TSC22D1: variants seen among roughly 807,000 people sequenced by gnomAD.
The protein encoded by TSC22D1 is TSC22 domain family protein 1.
In TSC22D1, 9 loss-of-function variants were observed where a neutral mutation model predicts 74.2. The ratio of observed to expected loss-of-function variants is 0.12; its 90% CI spans 0.07 to 0.21. TSC22D1 has a LOEUF of 0.21. Among genes scored for constraint, TSC22D1 ranks in the 10% least tolerant of loss-of-function variants. The pLI is 1.00. For missense variants in TSC22D1, 1,427 were observed against 1,304.7 expected (o/e 1.09, Z -1.44); for synonymous variants, 586 against 492.5 (o/e 1.19, Z -2.51).
At chr13:44,571,014 C>A (rs1286870300) in intron 1 of TSC22D1, among the ~76,000 whole-genome samples, 1 of 152,084 alleles carries the variant, frequency 6.6e-6, no homozygotes, top group Non-Finnish European at 1.5e-5. Flanking sequence ...GGGCTACATT[C>A]CGATTTCACA....
intron 1 of TSC22D1, among the ~76,000 whole-genome samples, chr13:44,494,154 TC>T (rs1878850247): frequency 6.6e-6 from 1 of 151,796 alleles, no homozygotes; most frequent in South Asian, 2.1e-4. Context: ...GGCAGGCGGA[TC>T]ACTTGAGGTC....
At chr13:44,545,473 A>G (rs1595152821) in intron 1 of TSC22D1, among the ~76,000 whole-genome samples, 1 of 151,828 alleles carries the variant, frequency 6.6e-6, no homozygotes, top group Admixed American at 6.6e-5. Flanking sequence ...TTCATAATTA[A>G]CCTATCCATT....
chr13:44,479,739 A>T (rs1001830214), intron 1 of TSC22D1, among the ~76,000 whole-genome samples: 1 of 152,218 alleles, frequency 6.6e-6, no homozygotes, highest in African/African-American at 2.4e-5. Flanking sequence ...GTCACTAAGG[A>T]CACACAGTCT....
chr13:44,538,532 T>C (rs1260189908), intron 1 of TSC22D1: 10 of 985,388 alleles, frequency 1.0e-5, no homozygotes, highest in Non-Finnish European at 1.1e-5. Context: ...ATGAAACAGA[T>C]ACAGAGAGCC....
intron 1 of TSC22D1, among the ~76,000 whole-genome samples, chr13:44,469,353 G>A (rs1481422022): frequency 1.3e-5 from 2 of 152,128 alleles, no homozygotes; most frequent in African/African-American, 4.8e-5. Context: ...TTTAAATTGT[G>A]GGCTAATTCT....
In TSC22D1 at chr13:44,574,217, C is replaced by T. The variant is rs1207413140; in HGVS notation, c.1858G>A (p.Gly620Arg). 3 of 1,614,212 alleles carry T rather than the reference C, an allele frequency of 1.9e-6. No individual in the cohort carries two copies. The highest frequency in any genetic ancestry group is 2.5e-6 in the Non-Finnish European group (3 of 1,180,030). Residue 620 changes from glycine to arginine, a missense_variant, in exon 1 of 3, where the codon GGG (glycine) becomes AGG (arginine). By Grantham distance (125) the Gly-to-Arg change is moderately radical. Transcript: ENST00000458659. The stretch of plus-strand genomic sequence containing the variant: ...TGTAACTGTTGGGGTGGTGGTGCCC[C>T]TGGAAGGGGAGTTTGCACTGGAGGA... Reference protein sequence around the residue: ...AAPPVQTPLPGAPPPQQLQYG... With the variant: ...AAPPVQTPLPRAPPPQQLQYG...
At chr13:44,546,373 T>A (rs544986186) in intron 1 of TSC22D1, among the ~76,000 whole-genome samples, 2 of 152,322 alleles carry the variant, frequency 1.3e-5, no homozygotes, top group African/African-American at 4.8e-5. Flanking sequence ...AATAATGGGA[T>A]GGATCACAAT....
chr13:44,521,331 A>G (rs1162128155), intron 1 of TSC22D1, among the ~76,000 whole-genome samples: 2 of 152,102 alleles, frequency 1.3e-5, no homozygotes, highest in Non-Finnish European at 2.9e-5. Flanking sequence ...ATGGGATTTA[A>G]TTGTGTATCC....
At chr13:44,439,138 C>T (rs933462128) in intron 1 of TSC22D1, among the ~76,000 whole-genome samples, 2 of 152,146 alleles carry the variant, frequency 1.3e-5, no homozygotes, top group African/African-American at 4.8e-5. Context: ...ATATAAGCAA[C>T]CATAGTCTAT....
intron 1 of TSC22D1, chr13:44,539,712 T>G: frequency 8.3e-7 from 1 of 1,204,582 alleles, no homozygotes; most frequent in Non-Finnish European, 1.1e-6. Context: ...AAATGGGCAA[T>G]GGAAGGACAC....
intron 1 of TSC22D1, among the ~76,000 whole-genome samples, chr13:44,542,642 C>T (rs1227428256): frequency 6.6e-6 from 1 of 152,030 alleles, no homozygotes; most frequent in Non-Finnish European, 1.5e-5. Context: ...AACACTCATA[C>T]TCAGAAATGA....
chr13:44,444,688 T>C (rs936112126), intron 1 of TSC22D1, among the ~76,000 whole-genome samples: 1 of 151,944 alleles, frequency 6.6e-6, no homozygotes, highest in African/African-American at 2.4e-5. Context: ...GGGGAAAAAA[T>C]ACACACGTCT....
intron 1 of TSC22D1, among the ~76,000 whole-genome samples, chr13:44,470,657 C>T (rs892871119): frequency 1.3e-5 from 2 of 152,088 alleles, no homozygotes; most frequent in Non-Finnish European, 1.5e-5. Flanking sequence ...TTTCCTTCCC[C>T]CAAATACCCT....
At chr13:44,518,412 T>G (rs1308473120) in intron 1 of TSC22D1, among the ~76,000 whole-genome samples, 1 of 152,186 alleles carries the variant, frequency 6.6e-6, no homozygotes, top group East Asian at 1.9e-4. Context: ...ATGAATGCAG[T>G]ATTACTTTCA....
intron 1 of TSC22D1, among the ~76,000 whole-genome samples, chr13:44,467,525 A>T (rs1271796188): frequency 6.6e-6 from 1 of 152,232 alleles, no homozygotes; most frequent in Admixed American, 6.5e-5. Flanking sequence ...CATAATCTAC[A>T]AGGAACTCAA....
intron 1 of TSC22D1, among the ~76,000 whole-genome samples, chr13:44,445,227 A>ACG (rs1255018603): frequency 2.6e-5 from 1 of 37,910 alleles, no homozygotes; most frequent in African/African-American, 1.0e-4. Flanking sequence ...ACACACACAC[A>ACG]CACACACACA....
intron 1 of TSC22D1, among the ~76,000 whole-genome samples, chr13:44,502,870 C>T (rs1440312745): frequency 6.6e-6 from 1 of 152,204 alleles, no homozygotes; most frequent in African/African-American, 2.4e-5. Context: ...CTTTAATGAT[C>T]TGCTTTTTTA....
rs76133076 is a variant in TSC22D1, at chr13:44,529,663, T to G, written c.2912+43500A>C. On this transcript the variant is annotated intron_variant, in intron 1 of 2. Transcript: ENST00000458659. ...AAATAAAACTTGTTTGCAGATGATA[T>G]GATTGTGTATGTTGAAAACCGCAAG... Among the ~76,000 whole-genome samples the G allele has an allele frequency of 7.8e-3, 1,191 of 152,224 alleles. 13 individuals carry two copies. The highest frequency in any genetic ancestry group is 0.027 in the African/African-American group (1,123 of 41,546).
chr13:44,517,858 T>TATATATATATA (rs1555269398), intron 1 of TSC22D1, among the ~76,000 whole-genome samples: 23 of 14,334 alleles, frequency 1.6e-3, no homozygotes, highest in Non-Finnish European at 2.4e-3. Flanking sequence ...TATATATATA[T>TATATATATATA]TTTTTTTTTT....
Sources: gnomAD v4.1 joint callset for allele counts (sites outside exome capture counted in the v4.1 genomes callset) on GRCh38, gnomAD v4.1.1 for gene constraint, MANE v1.5 for transcripts, NCBI Gene and HGNC (gene_info 2026-07-23, HGNC 2026-07-21) for gene names.